Variants in SNRPB2 observed in about 807,000 individuals in gnomAD.
SNRPB2 encodes small nuclear ribonucleoprotein polypeptide B2.
In SNRPB2, 16 loss-of-function variants were observed where a neutral mutation model predicts 26.3. That is an observed-to-expected ratio of 0.61 (90% CI 0.41 to 0.92). SNRPB2 has a LOEUF of 0.92. SNRPB2 is among the 40% of genes least tolerant of loss of function. SNRPB2 has a pLI of 0.00. For missense variants in SNRPB2, 179 were observed against 268.1 expected (o/e 0.67, Z 2.32); for synonymous variants, 75 against 89.0 (o/e 0.84, Z 0.88).
Position 16,738,858 on chromosome 20 carries a change from C to T in SNRPB2, c.385C>T (p.Pro129Ser). The change falls in exon 5 of 7, where the codon CCA (proline) becomes TCA (serine). Residue 129 changes from proline (P) to serine (S), a missense_variant. By Grantham distance (74) the Pro-to-Ser change is moderately conservative. Coordinates refer to ENST00000246071, the MANE Select transcript of SNRPB2 (RefSeq NM_003092.5). ...TTNKKPGQGT[P>S]NSANTQGNST... ...CCCTATTTATTTTGCTTAGGGAACTCCAAATTCAGCTAATACCCAAGGAAA... is the reference window on the plus strand; with the variant it reads ...CCCTATTTATTTTGCTTAGGGAACTTCAAATTCAGCTAATACCCAAGGAAA... 6.2e-7 allele frequency: 1 copy of T among 1,600,250 alleles called. No homozygotes were observed. The highest frequency in any genetic ancestry group is 8.6e-7 in the Non-Finnish European group (1 of 1,167,598).
intron 3 of SNRPB2, among the ~76,000 whole-genome samples, chr20:16,734,780 G>A (rs2072414732): frequency 6.6e-6 from 1 of 152,186 alleles, no homozygotes; most frequent in African/African-American, 2.4e-5. Flanking sequence ...CTCTGGTTGA[G>A]AACCACTGGT....
At chr20:16,735,465 T>A (rs533216662) in intron 3 of SNRPB2, among the ~76,000 whole-genome samples, 6 of 152,282 alleles carry the variant, frequency 3.9e-5, no homozygotes, top group African/African-American at 1.4e-4. Flanking sequence ...GGCAGAAATA[T>A]TCAGACAGTT....
intron 3 of SNRPB2, among the ~76,000 whole-genome samples, chr20:16,736,943 A>G (rs1432485115): frequency 6.6e-6 from 1 of 152,218 alleles, no homozygotes; most frequent in Non-Finnish European, 1.5e-5. Context: ...TTCCTTTAAC[A>G]CTTCAATGCA....
At chr20:16,732,526 A>G in intron 3 of SNRPB2, 190 bp downstream of exon 3, 1 of 420,254 alleles carries the variant, frequency 2.4e-6, no homozygotes, top group East Asian at 3.7e-5. Context: ...GGGCAAAAAC[A>G]AAATACATTG....
At position 16,742,071 on chromosome 20, in the gene SNRPB2, C is replaced by T. The variant is rs1040415791; in HGVS notation, c.*1066C>T. The T allele has an allele frequency of 1.3e-5, 2 of 150,416 alleles. No individual in the cohort carries two copies. The highest frequency in any genetic ancestry group is 1.9e-4 in the East Asian group (1 of 5,140). The allele number at this position is 150,416 out of a possible 1,614,324, so 9.3% of individuals were successfully genotyped here. A position where few individuals can be genotyped will look rare whatever the true frequency, so the allele number is the denominator to read the frequency against. ...ACTTATGGAAAGACTTTTAGACTTA[C>T]GTAGACAGTATCACATCACTCTTAT... On this transcript the variant is annotated 3_prime_UTR_variant, in exon 7 of 7. Transcript: ENST00000246071.
At position 16,731,661 on chromosome 20, in the gene SNRPB2, A is replaced by G. The variant is rs754717969; in HGVS notation, c.-35-7A>G. 3.7e-6 allele frequency: 6 copies of G among 1,607,134 alleles called. No homozygotes were observed. The African/African-American group carries it at 5.4e-5, about 14-fold the overall frequency. On this transcript the variant is annotated splice_polypyrimidine_tract_variant and splice_region_variant and intron_variant, in intron 1 of 6. Transcript: ENST00000246071. Reference sequence around the variant, plus strand: ...CAGTATAATTTACTCCTTCCTTTTTATAACAGATTTTTTACTGTCTCCTGA... The same window carrying G: ...CAGTATAATTTACTCCTTCCTTTTTGTAACAGATTTTTTACTGTCTCCTGA...
intron 3 of SNRPB2, among the ~76,000 whole-genome samples, chr20:16,735,968 G>T (rs944726768): frequency 6.6e-6 from 1 of 152,216 alleles, no homozygotes; most frequent in African/African-American, 2.4e-5. Flanking sequence ...AGAGTCACTG[G>T]TAAGGGGAAG....
At chr20:16,732,071 T>C in intron 2 of SNRPB2, 93 bp from the exon 3 acceptor site, 1 of 745,310 alleles carries the variant, frequency 1.3e-6, no homozygotes, top group Non-Finnish European at 2.3e-6. Flanking sequence ...AATAAGTGAA[T>C]GGTGGGGGGG....
intron 1 of SNRPB2, among the ~76,000 whole-genome samples, chr20:16,731,356 TATTTC>T (rs759935665): frequency 4.7e-4 from 71 of 152,344 alleles, no homozygotes; most frequent in Admixed American, 8.5e-4. Context: ...ATTTTAAAAT[TATTTC>T]ATTGAGGAGG....
At chr20:16,739,865 C>T (rs951184160) in intron 5 of SNRPB2, among the ~76,000 whole-genome samples, 1 of 149,960 alleles carries the variant, frequency 6.7e-6, no homozygotes, top group Non-Finnish European at 1.5e-5. Flanking sequence ...AATTAAAAGT[C>T]CCTAAGCAGT....
chr20:16,730,323 T>C (rs2072380977), intron 1 of SNRPB2, among the ~76,000 whole-genome samples, 159 bp downstream of exon 1: 1 of 152,046 alleles, frequency 6.6e-6, no homozygotes. Context: ...GGCTTGCGCG[T>C]ACGAAGTAAA....
At chr20:16,730,455 C>T (rs2072382069) in intron 1 of SNRPB2, 1 of 152,288 alleles carries the variant, frequency 6.6e-6, no homozygotes, top group African/African-American at 2.4e-5. Context: ...ACAACGCAGC[C>T]CACGATCAAA....
Position 16,732,213 on chromosome 20 carries a change from G to A in SNRPB2, c.114G>A (p.Val38=), listed in dbSNP as rs142036176. ...YALFSQFGHV[V]DIVALKTMKM... is the part of the protein sequence containing the mutation. ...TGTTTTCTCAGTTTGGTCATGTGGTGGACATTGTGGCTTTAAAGACCATGA... is the reference window on the plus strand; with the variant it reads ...TGTTTTCTCAGTTTGGTCATGTGGTAGACATTGTGGCTTTAAAGACCATGA... Residue 38 remains valine (V), a synonymous_variant, in exon 3 of 7, where the codon GTG becomes GTA. Transcript: ENST00000246071. The A allele has an allele frequency of 9.3e-6, 15 of 1,604,512 alleles. No individual in the cohort carries two copies. Among genetic ancestry groups the A allele is most frequent in the African/African-American group, 4.0e-5 (3 of 74,698 alleles).
chr20:16,733,245 TAAAGAA>T (rs1183085884), intron 3 of SNRPB2, among the ~76,000 whole-genome samples: 1 of 152,258 alleles, frequency 6.6e-6, no homozygotes, highest in East Asian at 1.9e-4. Context: ...GCAAAAACTG[TAAAGAA>T]GTACATAATA....
Position 16,741,762 on chromosome 20 carries a change from A to T in SNRPB2, c.*757A>T, listed in dbSNP as rs1301736579. Reference sequence around the variant, plus strand: ...AAGACAAATAGACTGATTAATAAAGAGTTGCCAGTGCTAAGCTTGCTACTT... The same window carrying T: ...AAGACAAATAGACTGATTAATAAAGTGTTGCCAGTGCTAAGCTTGCTACTT... On this transcript the variant is annotated 3_prime_UTR_variant, in exon 7 of 7. Transcript: ENST00000246071. 1 of 152,204 alleles carries T rather than the reference A, an allele frequency of 6.6e-6. No homozygotes were observed. The highest frequency in any genetic ancestry group is 1.5e-5 in the Non-Finnish European group (1 of 68,028). 9.4% of individuals were successfully genotyped at this position (152,204 alleles called of 1,614,324 possible).
chr20:16,731,521 A>G lies in SNRPB2; in HGVS notation c.-35-147A>G, dbSNP rs560442501. 17 of 672,052 alleles carry G rather than the reference A, an allele frequency of 2.5e-5. No individual in the cohort carries two copies. The East Asian group carries it at 5.3e-4, about 21-fold the overall frequency. The allele number at this position is 672,052 out of a possible 1,614,324, so 41.6% of individuals were successfully genotyped here. ...CTTCTTCTGTATGAAAAGGAGGGCT[A>G]GTAGGTGCTGGAGATACAATAAAGG... On this transcript the variant is annotated intron_variant, in intron 1 of 6. Coordinates refer to ENST00000246071, the MANE Select transcript of SNRPB2 (RefSeq NM_003092.5).
chr20:16,741,574 C>G lies in SNRPB2; in HGVS notation c.*569C>G, dbSNP rs1216219182. 6.6e-6 allele frequency: 1 copy of G among 152,184 alleles called. No homozygotes were observed. Among genetic ancestry groups the G allele is most frequent in the Non-Finnish European group, 1.5e-5 (1 of 68,022 alleles). The allele number at this position is 152,184 out of a possible 1,614,324, so 9.4% of individuals were successfully genotyped here. ...CATTCAGTATTAAATAAAGGCTGTT[C>G]TTACTGTTTACTGAGAAAACAGAAA... On this transcript the variant is annotated 3_prime_UTR_variant, in exon 7 of 7. Transcript: ENST00000246071.
chr20:16,730,567 C>T (rs41309910), intron 1 of SNRPB2: 14,618 of 152,228 alleles, frequency 0.096, 929 homozygotes, highest in Middle Eastern at 0.15. Flanking sequence ...GCGACCCCTG[C>T]CCCTTCTCCA....
intron 3 of SNRPB2, 109 bp from the exon 4 acceptor site, chr20:16,737,152 G>A (rs908198985): frequency 2.4e-6 from 2 of 817,812 alleles, no homozygotes; most frequent in Non-Finnish European, 1.8e-6. Flanking sequence ...TTAGGGATAT[G>A]TTTAAAATTA....
Sources: allele counts gnomAD v4.1 joint callset (sites outside exome capture counted in the v4.1 genomes callset), GRCh38; gene constraint gnomAD v4.1.1; transcripts MANE v1.5; gene names NCBI Gene and HGNC (gene_info 2026-07-23, HGNC 2026-07-21).